ZBTB16: variants seen among roughly 807,000 people sequenced by gnomAD.
ZBTB16 encodes zinc finger and BTB domain-containing protein 16.
A neutral mutation model predicts 56.8 loss-of-function variants in ZBTB16; 8 were observed. The observed-to-expected ratio is 0.14, with a 90% confidence interval of 0.08 to 0.25. ZBTB16 has a LOEUF of 0.25. Ranked by LOEUF, ZBTB16 falls within the 10% of genes least tolerant of loss-of-function variation. The pLI is 1.00. For missense variants in ZBTB16, 625 were observed against 903.0 expected (o/e 0.69, Z 3.95); for synonymous variants, 363 against 368.5 (o/e 0.98, Z 0.17).
At chr11:114,204,678 A>C (rs1487725000) in intron 4 of ZBTB16, among the ~76,000 whole-genome samples, 4 of 152,114 alleles carry the variant, frequency 2.6e-5, no homozygotes, top group African/African-American at 7.2e-5. Context: ...GAAGTGGCTA[A>C]CAGAGATGCA....
At chr11:114,167,874 G>A (rs932638052) in intron 3 of ZBTB16, among the ~76,000 whole-genome samples, 23 of 152,188 alleles carry the variant, frequency 1.5e-4, no homozygotes, top group Non-Finnish European at 4.4e-5. Flanking sequence ...GGTCCTGCCT[G>A]TTTCCCATGC....
intron 2 of ZBTB16, among the ~76,000 whole-genome samples, chr11:114,116,178 C>T (rs757770331): frequency 7.2e-5 from 11 of 152,098 alleles, no homozygotes; most frequent in South Asian, 2.1e-4. Context: ...ACAGCCTCGG[C>T]GAAGTGAGGG....
At chr11:114,159,502 C>T (rs939176723) in intron 3 of ZBTB16, among the ~76,000 whole-genome samples, 18 of 152,076 alleles carry the variant, frequency 1.2e-4, no homozygotes, top group Middle Eastern at 3.2e-3. Flanking sequence ...TTCTGTTGTC[C>T]GGCATACTCC....
At chr11:114,096,498 G>A (rs1235631544) in intron 2 of ZBTB16, among the ~76,000 whole-genome samples, 4 of 152,084 alleles carry the variant, frequency 2.6e-5, no homozygotes, top group African/African-American at 7.3e-5. Context: ...GTGCTGCCTC[G>A]TACAGTAAGT....
rs112193460 is a variant in ZBTB16, at chr11:114,253,180, A to G, written c.*2625A>G. ...ATTTTTAACAGCAAGATGTCATTCA[A>G]CATTGGTGGGGAAGGAAGAGAAAAA... On this transcript the variant is annotated 3_prime_UTR_variant, in exon 7 of 7. Coordinates refer to ENST00000335953, the MANE Select transcript of ZBTB16 (RefSeq NM_006006.6). 3.9e-5 allele frequency among the ~76,000 whole-genome samples: 6 copies of G among 152,234 alleles called. No homozygotes were observed. The highest frequency in any genetic ancestry group is 1.2e-4 in the African/African-American group (5 of 41,542).
chr11:114,224,199 G>A (rs1325126515), intron 4 of ZBTB16, among the ~76,000 whole-genome samples: 1 of 152,138 alleles, frequency 6.6e-6, no homozygotes, highest in African/African-American at 2.4e-5. Flanking sequence ...CATCATTTAG[G>A]CAAAGAATAT....
rs61107073 is a variant in ZBTB16 at position 114,256,022 on chromosome 11, G to GTTTTTTTTTTTTTTTT, written c.*5479_*5480insTTTTTTTTTTTTTTTT. ...TTATTGAAGTACTTGGTTTTGTTTT[G>GTTTTTTTTTTTTTTTT]TTTTTTTTTTTTGTTTTTTTTGCCT... On this transcript the variant is annotated 3_prime_UTR_variant, in exon 7 of 7. Coordinates refer to ENST00000335953, the MANE Select transcript of ZBTB16 (RefSeq NM_006006.6). Among the ~76,000 whole-genome samples, 4 of 143,082 alleles carry GTTTTTTTTTTTTTTTT rather than the reference G, an allele frequency of 2.8e-5. No individual in the cohort carries two copies. The highest frequency in any genetic ancestry group is 3.0e-5 in the Non-Finnish European group (2 of 65,996). 93.9% of individuals were successfully genotyped at this position (143,082 alleles called of 152,430 possible). A position where few individuals can be genotyped will look rare whatever the true frequency, so the allele number is the denominator to read the frequency against.
intron 2 of ZBTB16, among the ~76,000 whole-genome samples, chr11:114,129,200 T>C (rs1941597218): frequency 2.0e-5 from 3 of 152,258 alleles, no homozygotes; most frequent in Admixed American, 2.0e-4. Context: ...ATAAGCATTT[T>C]TCTGGCTGTA....
In ZBTB16 at chr11:114,146,819, A is replaced by T. The variant is rs555238503; in HGVS notation, c.1269-9518A>T. On this transcript the variant is annotated intron_variant, in intron 2 of 6. Transcript: ENST00000335953. ...AGTCGAGATCACGCCACTGCACTCC[A>T]GCCTGGGCGATAGAGTGAGATTCTG... 6.1e-3 allele frequency among the ~76,000 whole-genome samples: 907 copies of T among 148,288 alleles called. 4 individuals are homozygous for T. The highest frequency in any genetic ancestry group is 0.02 in the African/African-American group (815 of 40,610).
intron 2 of ZBTB16, among the ~76,000 whole-genome samples, chr11:114,118,242 T>A (rs970265666): frequency 6.6e-6 from 1 of 152,198 alleles, no homozygotes; most frequent in East Asian, 1.9e-4. Context: ...AGTGGTGCGA[T>A]CCTGGCTCAC....
chr11:114,124,296 T>C (rs966936063), intron 2 of ZBTB16, among the ~76,000 whole-genome samples: 1 of 152,006 alleles, frequency 6.6e-6, no homozygotes, highest in Non-Finnish European at 1.5e-5. Context: ...GAAGAGGGGC[T>C]CTGGGTGGCC....
chr11:114,162,863 GA>G (rs1242654997), intron 3 of ZBTB16, among the ~76,000 whole-genome samples: 1 of 152,172 alleles, frequency 6.6e-6, no homozygotes, highest in Non-Finnish European at 1.5e-5. Context: ...GCTCGCTCTT[GA>G]ACACACTTCT....
chr11:114,061,369 A>G (rs1054705671), intron 1 of ZBTB16: 7 of 152,110 alleles, frequency 4.6e-5, no homozygotes, highest in African/African-American at 1.7e-4. Flanking sequence ...GTTCCCTCCT[A>G]GTTCTCAGAA....
At chr11:114,084,980 T>G (rs1939908433) in intron 2 of ZBTB16, among the ~76,000 whole-genome samples, 2 of 152,194 alleles carry the variant, frequency 1.3e-5, no homozygotes, top group African/African-American at 2.4e-5. Context: ...TTGTCCAGAT[T>G]CCAAAAACCT....
intron 2 of ZBTB16, among the ~76,000 whole-genome samples, chr11:114,070,631 G>A (rs918880199): frequency 3.9e-5 from 6 of 152,176 alleles, no homozygotes; most frequent in South Asian, 2.1e-4. Context: ...GGCCATATAA[G>A]AACATGAGCA....
chr11:114,179,377 C>A (rs1266270302), intron 3 of ZBTB16, among the ~76,000 whole-genome samples: 1 of 152,156 alleles, frequency 6.6e-6, no homozygotes, highest in African/African-American at 2.4e-5. Flanking sequence ...AATTGGCAGC[C>A]AGTGTGCTGT....
intron 2 of ZBTB16, among the ~76,000 whole-genome samples, chr11:114,091,976 C>A (rs745661320): frequency 6.6e-6 from 1 of 152,210 alleles, no homozygotes; most frequent in Admixed American, 6.5e-5. Context: ...CAGGCTGGGC[C>A]TCACCCTTTT....
intron 2 of ZBTB16, among the ~76,000 whole-genome samples, chr11:114,107,691 G>A (rs1049418396): frequency 6.6e-6 from 1 of 152,192 alleles, no homozygotes; most frequent in African/African-American, 2.4e-5. Flanking sequence ...GGAGATATAT[G>A]CATCTTGGGA....
At chr11:114,218,190 C>T (rs574314394) in intron 4 of ZBTB16, among the ~76,000 whole-genome samples, 9 of 152,360 alleles carry the variant, frequency 5.9e-5, no homozygotes, top group East Asian at 3.9e-4. Flanking sequence ...CTGTGCTGCA[C>T]GGACCTTCCT....
Sources: allele counts gnomAD v4.1 joint callset (sites outside exome capture counted in the v4.1 genomes callset), GRCh38; gene constraint gnomAD v4.1.1; transcripts MANE v1.5; gene names NCBI Gene and HGNC (gene_info 2026-07-23, HGNC 2026-07-21).